The following CACNA1B variants were observed in gnomAD, a reference collection of about 807,000 sequenced individuals.
CACNA1B encodes voltage-dependent N-type calcium channel subunit alpha-1B.
CACNA1B carries 70 observed loss-of-function variants against 247.2 expected under a neutral mutation model. That is an observed-to-expected ratio of 0.28 (90% CI 0.23 to 0.35). CACNA1B has a LOEUF of 0.35. Ranked by LOEUF, CACNA1B falls within the 10% of genes least tolerant of loss-of-function variation. The pLI is 1.00. For synonymous variants in CACNA1B, 1,231 were observed against 1,294.4 expected, an observed-to-expected ratio of 0.95 and a Z score of 1.05; for missense variants, 2,367 against 3,197.4, an observed-to-expected ratio of 0.74 and a Z score of 6.26.
At position 137,986,383 on chromosome 9, in the gene CACNA1B, C is replaced by G; in HGVS notation, c.1770-30C>G. The stretch of plus-strand genomic sequence containing the variant: ...ATGAATGTGAAGTCAGCGTCTGGAG[C>G]TGGCTCAGACCCCCTGCCTGGCCCC... On this transcript the variant is annotated intron_variant, in intron 13 of 46. Transcript: ENST00000371372. The surrounding 1 kb of genome is among the most constrained non-coding windows in gnomAD (Gnocchi z 6.0). The G allele has an allele frequency of 6.2e-7, 1 of 1,611,698 alleles. No homozygotes were observed. The highest frequency in any genetic ancestry group is 1.3e-5 in the African/African-American group (1 of 75,006).
chr9:138,040,439 A>T (rs1237289689), intron 20 of CACNA1B: 1 of 157,464 alleles, frequency 6.4e-6, no homozygotes, highest in Non-Finnish European at 1.4e-5. Context: ...AGACAGAACT[A>T]ATAGGATATA....
At chr9:138,075,939 G>A in intron 35 of CACNA1B, 29 bp downstream of exon 35, 1 of 1,453,470 alleles carries the variant, frequency 6.9e-7, no homozygotes, top group Non-Finnish European at 9.6e-7. Flanking sequence ...CCAGGCCAAT[G>A]TCTGCTCTTC....
Position 138,107,122 on chromosome 9 carries a change from A to G in CACNA1B, c.5428+1315A>G, listed in dbSNP as rs531419200. 7.6e-4 allele frequency among the ~76,000 whole-genome samples: 116 copies of G among 152,306 alleles called. 1 individual carries two copies. In the South Asian group the frequency reaches 0.023, roughly 31 times the overall value. On this transcript the variant is annotated intron_variant, in intron 39 of 46. Coordinates refer to ENST00000371372, the MANE Select transcript of CACNA1B (RefSeq NM_000718.4). ...ACCTATTCCCATGGCTTTAAATAAC[A>G]TTAATCTCCTGACTTCTCTCCTGAA... is the stretch of plus-strand genomic sequence containing the variant.
intron 15 of CACNA1B, among the ~76,000 whole-genome samples, chr9:137,988,408 G>T (rs1958393092): frequency 6.6e-6 from 1 of 152,104 alleles, no homozygotes; most frequent in Non-Finnish European, 1.5e-5. Context: ...CAGGGGGGTG[G>T]CATGGTCCAT....
At chr9:138,029,403 ATGGATGTT>A (rs1168882613) in intron 20 of CACNA1B, among the ~76,000 whole-genome samples, 1 of 151,942 alleles carries the variant, frequency 6.6e-6, no homozygotes, top group Non-Finnish European at 1.5e-5. Context: ...CTTTTTTTGT[ATGGATGTT>A]GGTCTGCTTA....
Position 137,913,272 on chromosome 9 carries a change from G to A in CACNA1B, c.622+1G>A. On this transcript the variant is annotated splice_donor_variant, in intron 4 of 46. Transcript: ENST00000371372. LOFTEE classifies it high-confidence loss of function. The surrounding 1 kb of genome is among the most constrained non-coding windows in gnomAD (Gnocchi z 5.2). Reference sequence around the variant, plus strand: ...CTGAAGCTGGTGTCTGGGATTCCAAGTGAGTCCAGCGAAGACAGGCCCAAG... The same window carrying A: ...CTGAAGCTGGTGTCTGGGATTCCAAATGAGTCCAGCGAAGACAGGCCCAAG... 1 of 1,612,758 alleles carries A rather than the reference G, an allele frequency of 6.2e-7. No homozygotes were observed. Among genetic ancestry groups the A allele is most frequent in the Non-Finnish European group, 8.5e-7 (1 of 1,178,798 alleles).
chr9:138,101,347 T>C (rs1462362689), intron 37 of CACNA1B: 11 of 424,612 alleles, frequency 2.6e-5, no homozygotes, highest in Non-Finnish European at 5.3e-5. Context: ...ACGCTTTGGT[T>C]CCCTGTCTAA....
intron 6 of CACNA1B, among the ~76,000 whole-genome samples, chr9:137,935,069 GT>G (rs1957649769): frequency 6.6e-6 from 1 of 152,144 alleles, no homozygotes; most frequent in Non-Finnish European, 1.5e-5. Context: ...ATTTAAGGAA[GT>G]CAAAAAATGA....
chr9:138,089,033 T>C lies in CACNA1B; in HGVS notation c.5095-7451T>C, dbSNP rs142329364. On this transcript the variant is annotated intron_variant, in intron 36 of 46. Transcript: ENST00000371372. ...AAGCCCAGGGTGCTTCACTAGAGAA[T>C]TCTGCCAAACATTTAAAGAAGAACT... Among the ~76,000 whole-genome samples the C allele has an allele frequency of 2.4e-3, 336 of 140,114 alleles. 1 individual carries two copies. The highest frequency in any genetic ancestry group is 8.0e-3 in the African/African-American group (314 of 39,142). 91.9% of individuals were successfully genotyped at this position (140,114 alleles called of 152,430 possible). A position where few individuals can be genotyped will look rare whatever the true frequency, so the allele number is the denominator to read the frequency against.
At chr9:137,943,663 T>C (rs966359247) in intron 6 of CACNA1B, among the ~76,000 whole-genome samples, 5 of 152,182 alleles carry the variant, frequency 3.3e-5, no homozygotes, top group African/African-American at 1.2e-4. Flanking sequence ...GGCTCCTTGC[T>C]TCTAGTGAAC....
At chr9:138,094,518 A>C (rs913595049) in intron 36 of CACNA1B, among the ~76,000 whole-genome samples, 1 of 151,588 alleles carries the variant, frequency 6.6e-6, no homozygotes, top group Non-Finnish European at 1.5e-5. Context: ...AGGAGGAAAC[A>C]CTTCCTAACA....
At chr9:138,062,910 G>A (rs904012987) in intron 31 of CACNA1B, among the ~76,000 whole-genome samples, 29 of 152,224 alleles carry the variant, frequency 1.9e-4, no homozygotes, top group African/African-American at 6.3e-4. Flanking sequence ...TCTCCAAAAC[G>A]CAAAGCAGCC....
rs570848207 is a variant in CACNA1B at position 137,950,403 on chromosome 9, G to A, written c.967-1871G>A. Among the ~76,000 whole-genome samples, 1 of 152,344 alleles carries A rather than the reference G, an allele frequency of 6.6e-6. No individual in the cohort carries two copies. The highest frequency in any genetic ancestry group is 2.1e-4 in the South Asian group (1 of 4,828). ...AATGGAAGTCAAGGTGTCCCGTGTG[G>A]TCTTCACTAGTACCGCGGAGGTGGG... On this transcript the variant is annotated intron_variant, in intron 6 of 46. Coordinates refer to ENST00000371372, the MANE Select transcript of CACNA1B (RefSeq NM_000718.4). The surrounding 1 kb of genome is among the most constrained non-coding windows in gnomAD (Gnocchi z 4.8).
chr9:137,882,637 G>C lies in CACNA1B; in HGVS notation c.391-107G>C, dbSNP rs749055508. On this transcript the variant is annotated intron_variant, in intron 2 of 46. Coordinates refer to ENST00000371372, the MANE Select transcript of CACNA1B (RefSeq NM_000718.4). This position sits in a 1 kb window ranked among gnomAD's most constrained non-coding sequence, Gnocchi z 4.0. ...AAGGTGAGGAGGGTCAGACCCTCAC[G>C]ATAGCTGTGGCCTGCACATGGTGGG... The C allele has an allele frequency of 7.6e-7, 1 of 1,316,868 alleles. No homozygotes were observed. Among genetic ancestry groups the C allele is most frequent in the Non-Finnish European group, 1.1e-6 (1 of 934,612 alleles). The allele number at this position is 1,316,868 out of a possible 1,614,324, so 81.6% of individuals were successfully genotyped here. A position where few individuals can be genotyped will look rare whatever the true frequency, so the allele number is the denominator to read the frequency against.
chr9:138,122,531 C>G lies in CACNA1B; in HGVS notation c.*532C>G, dbSNP rs1216116038. 1 of 155,790 alleles carries G rather than the reference C, an allele frequency of 6.4e-6. No individual in the cohort carries two copies. The highest frequency in any genetic ancestry group is 1.4e-5 in the Non-Finnish European group (1 of 70,526). 9.7% of individuals were successfully genotyped at this position (155,790 alleles called of 1,614,324 possible). A position where few individuals can be genotyped will look rare whatever the true frequency, so the allele number is the denominator to read the frequency against. ...GGCAAGCTCTGTCCTCCCTGGACACCGTCAGCCCCACAGGAACCGAGCTGG... is the reference window on the plus strand; with the variant it reads ...GGCAAGCTCTGTCCTCCCTGGACACGGTCAGCCCCACAGGAACCGAGCTGG... On this transcript the variant is annotated 3_prime_UTR_variant, in exon 47 of 47. Transcript: ENST00000371372.
intron 11 of CACNA1B, 84 bp from the exon 12 acceptor site, chr9:137,975,823 G>A: frequency 1.2e-6 from 1 of 807,356 alleles, no homozygotes; most frequent in Non-Finnish European, 2.1e-6. Context: ...GGAAGGCCCA[G>A]AGGTCTGGTG....
At chr9:138,101,291 C>G in intron 37 of CACNA1B, 1 of 466,748 alleles carries the variant, frequency 2.1e-6, no homozygotes, top group South Asian at 1.5e-5. Context: ...ATGACGACGC[C>G]TCACCTTTCT....
At chr9:138,039,152 C>T (rs974480521) in intron 20 of CACNA1B, among the ~76,000 whole-genome samples, 11 of 151,556 alleles carry the variant, frequency 7.3e-5, no homozygotes, top group Admixed American at 3.3e-4. Flanking sequence ...GCCAAGATCT[C>T]GCCACTGCAC....
At chr9:137,978,841 G>T (rs1305472683) in intron 12 of CACNA1B, among the ~76,000 whole-genome samples, 2 of 152,194 alleles carry the variant, frequency 1.3e-5, no homozygotes, top group East Asian at 1.9e-4. Context: ...GGCCTCGGGG[G>T]TAGTGGTTTT....
Sources: gnomAD v4.1 joint callset for allele counts (sites outside exome capture counted in the v4.1 genomes callset) on GRCh38, gnomAD v4.1.1 for gene constraint, Gnocchi (gnomAD v3.1) non-coding constraint, MANE v1.5 for transcripts, NCBI Gene and HGNC (gene_info 2026-07-23, HGNC 2026-07-21) for gene names.